ADCY2: variants seen among roughly 807,000 people sequenced by gnomAD.
The protein encoded by ADCY2 is adenylate cyclase 2.
Under a neutral mutation model 125.2 loss-of-function variants are expected in ADCY2, and 31 were observed. The ratio of observed to expected loss-of-function variants is 0.25; its 90% confidence interval spans 0.19 to 0.33. The LOEUF is 0.33. ADCY2 is among the 10% of genes least tolerant of loss of function. The probability of loss-of-function intolerance (pLI) is 1.00; values close to 1 mark genes in which losing one functional copy is unlikely to be tolerated. For synonymous variants in ADCY2, 512 were observed against 548.4 expected, an observed-to-expected ratio of 0.93 and a Z score of 0.93; for missense variants, 904 against 1,418.2, an observed-to-expected ratio of 0.64 and a Z score of 5.82.
intron 18 of ADCY2, among the ~76,000 whole-genome samples, chr5:7,783,073 A>T (rs1450850156): frequency 6.6e-6 from 1 of 152,174 alleles, no homozygotes; most frequent in Non-Finnish European, 1.5e-5. Flanking sequence ...CTGTGGCTCT[A>T]AGCCCATAAG....
At chr5:7,592,546 A>AG (rs1736881471) in intron 3 of ADCY2, among the ~76,000 whole-genome samples, 1 of 152,032 alleles carries the variant, frequency 6.6e-6, no homozygotes, top group Non-Finnish European at 1.5e-5. Flanking sequence ...GGAACTGGAA[A>AG]AAAAAATGGT....
chr5:7,559,705 T>G (rs1304562240), intron 3 of ADCY2, among the ~76,000 whole-genome samples: 1 of 152,206 alleles, frequency 6.6e-6, no homozygotes, highest in Non-Finnish European at 1.5e-5. Context: ...GAGCTTCTAA[T>G]GCTATGTTGA....
intron 2 of ADCY2, among the ~76,000 whole-genome samples, chr5:7,481,361 G>A (rs1742723074): frequency 1.3e-5 from 2 of 152,122 alleles, no homozygotes; most frequent in Admixed American, 1.3e-4. Flanking sequence ...CCGCCTCCCG[G>A]GTTCACGCCA....
chr5:7,705,484 C>T (rs1741238645), intron 7 of ADCY2, among the ~76,000 whole-genome samples: 1 of 152,162 alleles, frequency 6.6e-6, no homozygotes, highest in South Asian at 2.1e-4. Flanking sequence ...TGCCAGCTGG[C>T]CACATGACAC....
chr5:7,518,303 A>G (rs1445459166), intron 2 of ADCY2, among the ~76,000 whole-genome samples: 1 of 152,090 alleles, frequency 6.6e-6, no homozygotes, highest in Non-Finnish European at 1.5e-5. Flanking sequence ...GAAGTGAGGG[A>G]GGTGCCCCAG....
chr5:7,499,648 G>GATATATATATATATATATATATATATAT (rs70940741), intron 2 of ADCY2, among the ~76,000 whole-genome samples: 5 of 118,428 alleles, frequency 4.2e-5, no homozygotes, highest in Non-Finnish European at 6.9e-5. Flanking sequence ...TATGTGGGTG[G>GATATATATATATATATATATATATATAT]ATATATATAT....
At chr5:7,426,097 C>A (rs996542003) in intron 2 of ADCY2, among the ~76,000 whole-genome samples, 3 of 152,146 alleles carry the variant, frequency 2.0e-5, no homozygotes, top group South Asian at 2.1e-4. Flanking sequence ...GAGGCCCCAT[C>A]CTGCATAAGG....
At chr5:7,526,346 TG>T (rs544327292) in intron 3 of ADCY2, among the ~76,000 whole-genome samples, 18 of 152,186 alleles carry the variant, frequency 1.2e-4, no homozygotes, top group Non-Finnish European at 2.5e-4. Flanking sequence ...GTGGTAAAAT[TG>T]GTTCACAAGT....
chr5:7,576,491 C>T (rs1453958177), intron 3 of ADCY2, among the ~76,000 whole-genome samples: 3 of 152,152 alleles, frequency 2.0e-5, no homozygotes, highest in Admixed American at 1.3e-4. Flanking sequence ...CAAACTAAGG[C>T]AACTTTTCAT....
At chr5:7,537,039 A>G (rs1734838628) in intron 3 of ADCY2, among the ~76,000 whole-genome samples, 1 of 152,248 alleles carries the variant, frequency 6.6e-6, no homozygotes, top group South Asian at 2.1e-4. Flanking sequence ...TCCTATAGAA[A>G]TAAAAGAATT....
chr5:7,432,900 A>ATGTACTGCTTGTTGTACATGT (rs1740659168), intron 2 of ADCY2, among the ~76,000 whole-genome samples: 1 of 151,422 alleles, frequency 6.6e-6, no homozygotes, highest in South Asian at 2.1e-4. Context: ...CAATTTCAAC[A>ATGTACTGCTTGTTGTACATGT]TGTACTGCTT....
At chr5:7,519,796 C>G (rs951568284) in intron 2 of ADCY2, among the ~76,000 whole-genome samples, 1 of 152,174 alleles carries the variant, frequency 6.6e-6, no homozygotes. Context: ...TAGTCAGCAG[C>G]TACTCTCCGT....
intron 3 of ADCY2, among the ~76,000 whole-genome samples, chr5:7,540,811 C>G (rs1207425563): frequency 6.6e-6 from 1 of 152,112 alleles, no homozygotes. Context: ...TCCTGCTTTC[C>G]CACCTTCTAT....
intron 24 of ADCY2, 53 bp from the exon 25 acceptor site, chr5:7,826,666 G>C (rs1204478236): frequency 9.9e-6 from 16 of 1,612,760 alleles, no homozygotes; most frequent in Non-Finnish European, 1.3e-5. Flanking sequence ...AGTCAGATGG[G>C]TTGTATCAAT....
chr5:7,573,515 A>C (rs1056382759), intron 3 of ADCY2, among the ~76,000 whole-genome samples: 1 of 151,974 alleles, frequency 6.6e-6, no homozygotes, highest in Non-Finnish European at 1.5e-5. Context: ...TATACATTAA[A>C]ATTATTCTAA....
At chr5:7,743,821 A>G in intron 15 of ADCY2, 69 bp downstream of exon 15, 1 of 1,468,732 alleles carries the variant, frequency 6.8e-7, no homozygotes, top group South Asian at 1.2e-5. Context: ...TCTTGCCTAA[A>G]ACTTTCCAAA....
chr5:7,576,430 G>A (rs1222586985), intron 3 of ADCY2, among the ~76,000 whole-genome samples: 1 of 152,182 alleles, frequency 6.6e-6, no homozygotes, highest in Non-Finnish European at 1.5e-5. Context: ...TTGGCATTTG[G>A]AATGGACAGG....
chr5:7,526,793 A>AT (rs1365486920), intron 3 of ADCY2, among the ~76,000 whole-genome samples: 5 of 152,238 alleles, frequency 3.3e-5, no homozygotes, highest in African/African-American at 9.6e-5. Flanking sequence ...TCGAAGAAAC[A>AT]TTTTTCTGGA....
At chr5:7,533,856 C>G (rs1347187611) in intron 3 of ADCY2, among the ~76,000 whole-genome samples, 1 of 152,120 alleles carries the variant, frequency 6.6e-6, no homozygotes, top group Non-Finnish European at 1.5e-5. Context: ...ATGACCGTTG[C>G]TGCTTATTTT....
Sources: gnomAD v4.1 joint callset for allele counts (sites outside exome capture counted in the v4.1 genomes callset) on GRCh38, gnomAD v4.1.1 for gene constraint, MANE v1.5 for transcripts, NCBI Gene and HGNC (gene_info 2026-07-23, HGNC 2026-07-21) for gene names.